Variants in NDUFA10 observed in about 807,000 individuals in gnomAD.
NDUFA10 encodes NADH dehydrogenase [ubiquinone] 1 alpha subcomplex subunit 10, mitochondrial.
A neutral mutation model predicts 47.8 loss-of-function variants in NDUFA10; 40 were observed. The observed-to-expected ratio is 0.84, with a 90% confidence interval of 0.65 to 1.09. The LOEUF (loss-of-function observed/expected upper bound fraction) is 1.09, where lower values mean the gene tolerates loss of function less well. NDUFA10 is among the 50% of genes least tolerant of loss of function. NDUFA10 has a pLI of 0.00. For missense variants in NDUFA10, 413 were observed against 451.1 expected, an observed-to-expected ratio of 0.92 and a Z score of 0.76; for synonymous variants, 183 against 172.2, an observed-to-expected ratio of 1.06 and a Z score of -0.49.
rs1694732754 is a variant in NDUFA10, at chr2:239,958,837, C to T, written c.*2281G>A. 4.4e-6 allele frequency: 3 copies of T among 684,604 alleles called. No homozygotes were observed. The highest frequency in any genetic ancestry group is 2.7e-4 in the East Asian group (2 of 7,418). 42.4% of individuals were successfully genotyped at this position (684,604 alleles called of 1,614,324 possible). On this transcript the variant is annotated 3_prime_UTR_variant, in exon 10 of 10. Coordinates refer to ENST00000252711, the MANE Select transcript of NDUFA10 (RefSeq NM_004544.4). ...GTATGAATAAAATCCAGACACAAAA[C>T]CATACTGCTGCAACAGCATGATTAT...
intron 5 of NDUFA10, among the ~76,000 whole-genome samples, chr2:239,893,846 CCTT>C (rs1193455254): frequency 3.3e-5 from 5 of 152,256 alleles, no homozygotes; most frequent in South Asian, 2.1e-4. Context: ...CAGCCTCACT[CCTT>C]CTCCCTGCCT....
chr2:239,925,293 T>C lies in NDUFA10; in HGVS notation c.295-29979A>G, dbSNP rs377498808. 7.9e-5 allele frequency among the ~76,000 whole-genome samples: 12 copies of C among 152,284 alleles called. No homozygotes were observed. In the East Asian group the frequency reaches 2.1e-3, roughly 27 times the overall value. ...CACTCTACCTGATTTTAATTTTTAC[T>C]CCATCATTACGGTAATCAAGACTAT... On this transcript the variant is annotated intron_variant, in intron 4 of 5. Coordinates refer to the NDUFA10 transcript ENST00000419408.
intron 4 of NDUFA10, among the ~76,000 whole-genome samples, chr2:239,941,982 G>T (rs769989801): frequency 4.6e-5 from 7 of 152,112 alleles, no homozygotes; most frequent in Admixed American, 1.3e-4. Context: ...AAACAGTATG[G>T]ACCTTAGATT....
chr2:239,948,382 G>A (rs2106382595), intron 4 of NDUFA10, among the ~76,000 whole-genome samples: 1 of 151,974 alleles, frequency 6.6e-6, no homozygotes, highest in African/African-American at 2.4e-5. Flanking sequence ...GCCCCCAGGG[G>A]ACAGAAAGTA....
chr2:239,996,915 C>A (rs1006822355), intron 8 of NDUFA10, among the ~76,000 whole-genome samples: 4 of 151,872 alleles, frequency 2.6e-5, no homozygotes, highest in African/African-American at 7.3e-5. Context: ...AGATTGGACA[C>A]CCCTGCTTTA....
At chr2:239,936,669 T>C (rs1694271442) in intron 4 of NDUFA10, among the ~76,000 whole-genome samples, 1 of 152,166 alleles carries the variant, frequency 6.6e-6, no homozygotes, top group South Asian at 2.1e-4. Flanking sequence ...AAGTAAGTCT[T>C]GGCCAGGTTG....
chr2:240,006,971 A>C (rs550622728), intron 7 of NDUFA10, among the ~76,000 whole-genome samples: 1 of 152,372 alleles, frequency 6.6e-6, no homozygotes, highest in African/African-American at 2.4e-5. Context: ...GACTTTCACA[A>C]AACACACGAA....
In NDUFA10 at chr2:239,959,343, C is replaced by A; in HGVS notation, c.*1775G>T. 1.0e-6 allele frequency: 1 copy of A among 985,466 alleles called. No individual in the cohort carries two copies. The highest frequency in any genetic ancestry group is 1.2e-6 in the Non-Finnish European group (1 of 829,938). The allele number at this position is 985,466 out of a possible 1,614,324, so 61.0% of individuals were successfully genotyped here. A position where few individuals can be genotyped will look rare whatever the true frequency, so the allele number is the denominator to read the frequency against. Reference sequence around the variant, plus strand: ...CTGCTGAGGACACTACCCGTGCAACCACCAAGGTTGAAGGAAACAGCTAGC... The same window carrying A: ...CTGCTGAGGACACTACCCGTGCAACAACCAAGGTTGAAGGAAACAGCTAGC... On this transcript the variant is annotated 3_prime_UTR_variant, in exon 10 of 10. Transcript: ENST00000252711.
chr2:239,935,644 T>C (rs1006934896), intron 4 of NDUFA10, among the ~76,000 whole-genome samples: 1 of 152,192 alleles, frequency 6.6e-6, no homozygotes, highest in Admixed American at 6.5e-5. Flanking sequence ...AATTCCCACA[T>C]GTTGTGGGAG....
rs1329516946 is a variant in NDUFA10 at position 239,958,006 on chromosome 2, T to TGGA, written c.*3111_*3112insTCC. On this transcript the variant is annotated 3_prime_UTR_variant, in exon 10 of 10. Coordinates refer to ENST00000252711, the MANE Select transcript of NDUFA10 (RefSeq NM_004544.4). Reference sequence around the variant, plus strand: ...GGTGACTACTGACAATCACCTCCTCTGTTTTCTGGCTCATGATTTTCCTAA... The same window carrying TGGA: ...GGTGACTACTGACAATCACCTCCTCTGGAGTTTTCTGGCTCATGATTTTCCTAA... The TGGA allele has an allele frequency of 6.6e-6, 1 of 152,240 alleles. No homozygotes were observed. Among genetic ancestry groups the TGGA allele is most frequent in the Non-Finnish European group, 1.5e-5 (1 of 68,048 alleles). The allele number at this position is 152,240 out of a possible 1,614,324, so 9.4% of individuals were successfully genotyped here.
intron 4 of NDUFA10, among the ~76,000 whole-genome samples, chr2:239,947,559 A>G (rs978028809): frequency 6.6e-6 from 1 of 152,172 alleles, no homozygotes; most frequent in African/African-American, 2.4e-5. Flanking sequence ...AGACACAGAC[A>G]GGGACGGCTC....
At chr2:239,990,225 T>C in intron 8 of NDUFA10, 43 bp from the exon 9 acceptor site, 1 of 1,471,156 alleles carries the variant, frequency 6.8e-7, no homozygotes, top group Non-Finnish European at 9.5e-7. Context: ...ACCATCAAAA[T>C]AAATACAATA....
At chr2:239,950,462 C>T (rs186388079) in intron 4 of NDUFA10, among the ~76,000 whole-genome samples, 3 of 152,356 alleles carry the variant, frequency 2.0e-5, no homozygotes, top group Non-Finnish European at 2.9e-5. Flanking sequence ...AACGGTTCCT[C>T]CTTGCTCCCC....
intron 9 of NDUFA10, among the ~76,000 whole-genome samples, chr2:239,979,618 G>A (rs532593259): frequency 2.6e-5 from 4 of 152,064 alleles, no homozygotes; most frequent in East Asian, 3.9e-4. Flanking sequence ...TACTCTCAGC[G>A]CCCCCGCCCA....
At chr2:239,902,260 T>G (rs1693566185) in intron 4 of NDUFA10, among the ~76,000 whole-genome samples, 1 of 152,234 alleles carries the variant, frequency 6.6e-6, no homozygotes, top group Non-Finnish European at 1.5e-5. Context: ...TGTTGTCTTA[T>G]TTTAAGAAGT....
intron 4 of NDUFA10, among the ~76,000 whole-genome samples, chr2:239,942,115 C>T (rs903885025): frequency 1.3e-5 from 2 of 152,284 alleles, no homozygotes; most frequent in Non-Finnish European, 2.9e-5. Flanking sequence ...TTTTGCCGGA[C>T]TGCCTTTGTC....
At chr2:239,948,820 G>A (rs1211183909) in intron 4 of NDUFA10, among the ~76,000 whole-genome samples, 1 of 152,174 alleles carries the variant, frequency 6.6e-6, no homozygotes, top group Admixed American at 6.5e-5. Context: ...ACCAAGCCTC[G>A]AGCCATCCTG....
intron 8 of NDUFA10, among the ~76,000 whole-genome samples, chr2:239,993,935 G>A (rs1696360139): frequency 6.6e-6 from 1 of 152,132 alleles, no homozygotes; most frequent in South Asian, 2.1e-4. Context: ...GGACCACACA[G>A]AGGATGCAGA....
At position 239,957,605 on chromosome 2, in the gene NDUFA10, T is replaced by A. The variant is rs1049279915; in HGVS notation, c.*3513A>T. On this transcript the variant is annotated 3_prime_UTR_variant, in exon 10 of 10. Transcript: ENST00000252711. ...GCAAACTTACTCACATGCTTAAAGA[T>A]AAAATTTGACAGTTTCATTTGTCTT... The A allele has an allele frequency of 6.6e-6, 1 of 152,216 alleles. No individual in the cohort carries two copies. Among genetic ancestry groups the A allele is most frequent in the African/African-American group, 2.4e-5 (1 of 41,454 alleles). 9.4% of individuals were successfully genotyped at this position (152,216 alleles called of 1,614,324 possible).
Sources: allele counts gnomAD v4.1 joint callset (sites outside exome capture counted in the v4.1 genomes callset), GRCh38; gene constraint gnomAD v4.1.1; transcripts MANE v1.5; gene names NCBI Gene and HGNC (gene_info 2026-07-23, HGNC 2026-07-21).